TMEM132C: variants seen among roughly 807,000 people sequenced by gnomAD.
TMEM132C encodes the protein transmembrane protein 132C.
A neutral mutation model predicts 61.4 loss-of-function variants in TMEM132C; 29 were observed. The ratio of observed to expected loss-of-function variants is 0.47; its 90% CI spans 0.35 to 0.64. TMEM132C has a LOEUF of 0.64. Among genes scored for constraint, TMEM132C ranks in the 30% least tolerant of loss-of-function variants. The probability of loss-of-function intolerance (pLI) is 0.00; values close to 1 mark genes in which losing one functional copy is unlikely to be tolerated. For missense variants in TMEM132C, 1,408 were observed against 1,476.9 expected (o/e 0.95, Z 0.76); for synonymous variants, 656 against 633.1 (o/e 1.04, Z -0.54).
rs141033633 is a variant in TMEM132C at position 128,426,148 on chromosome 12, G to A, written c.974+10528G>A. On this transcript the variant is annotated intron_variant, in intron 2 of 8. Coordinates refer to ENST00000435159, the MANE Select transcript of TMEM132C (RefSeq NM_001136103.3). ...GTTACAAATGGGAATCTGGACCTTCGCCACGTGGAGAATAAACTCCTCTCC... is the reference window on the plus strand; with the variant it reads ...GTTACAAATGGGAATCTGGACCTTCACCACGTGGAGAATAAACTCCTCTCC... Among the ~76,000 whole-genome samples the A allele has an allele frequency of 1.3e-4, 20 of 152,290 alleles. 1 individual carries two copies. The East Asian group carries it at 1.4e-3, about 10-fold the overall frequency.
chr12:128,341,313 T>A (rs1408650036), intron 1 of TMEM132C, among the ~76,000 whole-genome samples: 3 of 152,220 alleles, frequency 2.0e-5, no homozygotes, highest in African/African-American at 7.2e-5. Flanking sequence ...GGAATACATT[T>A]GTTATTTTTA....
intron 3 of TMEM132C, among the ~76,000 whole-genome samples, chr12:128,557,605 T>G (rs1459092018): frequency 1.3e-5 from 2 of 152,206 alleles, no homozygotes; most frequent in East Asian, 1.9e-4. Flanking sequence ...AGCAGGATTT[T>G]GGGACTAGAT....
At chr12:128,638,796 G>C (rs1954121852) in intron 4 of TMEM132C, among the ~76,000 whole-genome samples, 1 of 152,092 alleles carries the variant, frequency 6.6e-6, no homozygotes, top group Admixed American at 6.6e-5. Flanking sequence ...TGCTGGTGGT[G>C]ATGGTGATTA....
rs557530741 is a variant in TMEM132C at position 128,340,251 on chromosome 12, TC to T, written c.85+72768del. On this transcript the variant is annotated intron_variant, in intron 1 of 8. Coordinates refer to ENST00000435159, the MANE Select transcript of TMEM132C (RefSeq NM_001136103.3). ...AGTGTTCACATTGAAAATGTTTTTT[TC>T]CCCTGTCTAACATTAACACCTGATA... is the stretch of plus-strand genomic sequence containing the variant. Among the ~76,000 whole-genome samples, 820 of 152,306 alleles carry T rather than the reference TC, an allele frequency of 5.4e-3. 6 individuals carry two copies. Among genetic ancestry groups the T allele is most frequent in the African/African-American group, 0.019 (787 of 41,572 alleles).
At position 128,705,575 on chromosome 12, in the gene TMEM132C, G is replaced by A. The variant is rs1426016111; in HGVS notation, c.2607G>A (p.Val869=). ...GGTCCCTGCTGGACAACAAAGTGGT[G>A]AAGAACAGTCGGGCAGACGGGGGCA... ...TARSLLDNKV[V]KNSRADGGRL... is the part of the protein sequence containing the mutation. The change falls in exon 9 of 9, where the codon GTG becomes GTA. Residue 869 remains valine, a synonymous_variant. Transcript: ENST00000435159. The A allele has an allele frequency of 6.4e-7, 1 of 1,551,190 alleles. No homozygotes were observed. Among genetic ancestry groups the A allele is most frequent in the Non-Finnish European group, 8.7e-7 (1 of 1,146,988 alleles).
At chr12:128,633,561 G>T (rs184667021) in intron 4 of TMEM132C, among the ~76,000 whole-genome samples, 4 of 152,006 alleles carry the variant, frequency 2.6e-5, no homozygotes, top group African/African-American at 4.8e-5. Context: ...TGCAACCTAC[G>T]CCAGTAAAAG....
rs145253651 is a variant in TMEM132C at position 128,624,734 on chromosome 12, G to A, written c.1305+8399G>A. Among the ~76,000 whole-genome samples the A allele has an allele frequency of 2.3e-3, 348 of 152,230 alleles. 4 individuals carry two copies. The highest frequency in any genetic ancestry group is 7.6e-3 in the African/African-American group (317 of 41,542). ...TTATTAATAAGAATAAAAGTATTCA[G>A]ATATTATTTGTGGGTATTCAAACAG... On this transcript the variant is annotated intron_variant, in intron 4 of 8. Transcript: ENST00000435159.
intron 4 of TMEM132C, among the ~76,000 whole-genome samples, chr12:128,629,449 C>T (rs982496287): frequency 4.6e-5 from 7 of 151,974 alleles, no homozygotes; most frequent in African/African-American, 1.5e-4. Context: ...CCTGCCTAGG[C>T]GATGGGAGTG....
At chr12:128,543,081 G>A (rs1873818496) in intron 2 of TMEM132C, among the ~76,000 whole-genome samples, 1 of 152,114 alleles carries the variant, frequency 6.6e-6, no homozygotes, top group African/African-American at 2.4e-5. Context: ...TAAGTGGTGT[G>A]ATCAAAACAA....
rs999736408 is a variant in TMEM132C at position 128,697,295 on chromosome 12, G to A, written c.2001G>A (p.Val667=). Residue 667 remains valine, a synonymous_variant, in exon 8 of 9, where the codon GTG becomes GTA. Transcript: ENST00000435159. ...CCGTGCTAGATGACAAAGTATCGGT[G>A]ACAGACTTGGCCATCCAGCTCGTGG... The part of the protein sequence containing the change: ...TITVLDDKVS[V]TDLAIQLVAG... The A allele has an allele frequency of 1.9e-5, 29 of 1,550,730 alleles. No individual in the cohort carries two copies. The highest frequency in any genetic ancestry group is 2.5e-5 in the Non-Finnish European group (29 of 1,146,284).
chr12:128,337,617 A>G (rs924721277), intron 1 of TMEM132C, among the ~76,000 whole-genome samples: 4 of 152,148 alleles, frequency 2.6e-5, no homozygotes, highest in Non-Finnish European at 5.9e-5. Flanking sequence ...CCAGTTCTGA[A>G]AGTACAAATA....
chr12:128,626,926 C>T (rs1166788510), intron 4 of TMEM132C, among the ~76,000 whole-genome samples: 1 of 152,182 alleles, frequency 6.6e-6, no homozygotes, highest in Non-Finnish European at 1.5e-5. Flanking sequence ...CACTCCAGCC[C>T]CACTGCCACC....
chr12:128,388,983 GT>G (rs1363141046), intron 1 of TMEM132C, among the ~76,000 whole-genome samples: 3 of 152,096 alleles, frequency 2.0e-5, no homozygotes, highest in Non-Finnish European at 4.4e-5. Context: ...GACCGTGACA[GT>G]TTGTATTTTG....
intron 4 of TMEM132C, among the ~76,000 whole-genome samples, chr12:128,648,078 G>A (rs1343859910): frequency 6.6e-6 from 1 of 151,772 alleles, no homozygotes. Flanking sequence ...ATGTGAGTGT[G>A]TTTACTAGAT....
chr12:128,443,128 CATAT>C (rs947827607), intron 2 of TMEM132C, among the ~76,000 whole-genome samples: 1 of 150,646 alleles, frequency 6.6e-6, no homozygotes, highest in African/African-American at 2.5e-5. Context: ...TATACGTATA[CATAT>C]ATATATATTG....
chr12:128,545,961 G>T (rs1873937387), intron 3 of TMEM132C, among the ~76,000 whole-genome samples: 2 of 152,152 alleles, frequency 1.3e-5, no homozygotes, highest in Non-Finnish European at 2.9e-5. Context: ...TTAAGTGACA[G>T]CTGCAAGTCA....
intron 2 of TMEM132C, among the ~76,000 whole-genome samples, chr12:128,535,569 A>AT (rs1593090334): frequency 6.6e-6 from 1 of 152,228 alleles, no homozygotes; most frequent in Non-Finnish European, 1.5e-5. Context: ...AATGGCAATC[A>AT]TTAAAAAGTC....
chr12:128,673,285 T>C (rs1041813484), intron 5 of TMEM132C, among the ~76,000 whole-genome samples: 3 of 152,246 alleles, frequency 2.0e-5, no homozygotes, highest in African/African-American at 7.2e-5. Context: ...CAGAGCTTGC[T>C]GTCTCTCTAC....
chr12:128,292,665 A>T (rs548942346), intron 1 of TMEM132C, among the ~76,000 whole-genome samples: 1 of 133,492 alleles, frequency 7.5e-6, no homozygotes, highest in Non-Finnish European at 1.6e-5. Context: ...TGAGGTATTC[A>T]TAAGTGTCTG....
Sources: allele counts gnomAD v4.1 joint callset (sites outside exome capture counted in the v4.1 genomes callset), GRCh38; gene constraint gnomAD v4.1.1; transcripts MANE v1.5; gene names NCBI Gene and HGNC (gene_info 2026-07-23, HGNC 2026-07-21).